MIS18A: variants seen among roughly 807,000 people sequenced by gnomAD.
MIS18A encodes the protein MIS18 kinetochore protein A.
Under a neutral mutation model 25.0 loss-of-function variants are expected in MIS18A, and 14 were observed. The observed-to-expected ratio is 0.56, with a 90% CI of 0.37 to 0.88. MIS18A has a LOEUF of 0.88. Among genes scored for constraint, MIS18A ranks in the 40% least tolerant of loss-of-function variants. The pLI, the probability that MIS18A is intolerant of heterozygous loss-of-function variation, is 0.00. For synonymous variants in MIS18A, 134 were observed against 118.6 expected (o/e 1.13, Z -0.84); for missense variants, 292 against 290.8 (o/e 1.00, Z -0.03).
chr21:32,256,910 GA>G, the MIS18A span, among the ~76,000 whole-genome samples: 6,823 of 150,538 alleles, frequency 0.045, 209 homozygotes, highest in South Asian at 0.12. Context: ...TCTTACAGAG[GA>G]AAAAAAAACA....
the MIS18A span, chr21:32,156,366 C>T: frequency 6.6e-6 from 1 of 151,330 alleles, no homozygotes; most frequent in Non-Finnish European, 1.5e-5. Flanking sequence ...CAGTAAATGC[C>T]CCATCAAAAT....
chr21:32,182,610 C>T, the MIS18A span, among the ~76,000 whole-genome samples: 1 of 152,178 alleles, frequency 6.6e-6, no homozygotes. Flanking sequence ...CCACACATAG[C>T]TTTCCACAGC....
chr21:32,187,720 G>A, the MIS18A span, among the ~76,000 whole-genome samples: 51 of 152,322 alleles, frequency 3.3e-4, 1 homozygote, highest in South Asian at 0.011. Context: ...GTGCTAGGGG[G>A]TGGGAGATGA....
At chr21:32,210,788 G>A in the MIS18A span, among the ~76,000 whole-genome samples, 808 of 152,210 alleles carry the variant, frequency 5.3e-3, 5 homozygotes, top group Non-Finnish European at 9.0e-3. Flanking sequence ...TTCCTATAAA[G>A]GTGACTTTTA....
chr21:32,249,140 T>C, the MIS18A span, among the ~76,000 whole-genome samples: 9 of 152,226 alleles, frequency 5.9e-5, no homozygotes, highest in African/African-American at 2.2e-4. Context: ...GATCTGGCCC[T>C]GCCATCTTGT....
At chr21:32,223,975 AC>A in the MIS18A span, among the ~76,000 whole-genome samples, 102 of 152,386 alleles carry the variant, frequency 6.7e-4, 1 homozygote, top group African/African-American at 2.4e-3. Flanking sequence ...GGTTCAACAT[AC>A]ACAAATCAAT....
the MIS18A span, among the ~76,000 whole-genome samples, chr21:32,178,929 T>C: frequency 1.3e-5 from 2 of 152,156 alleles, no homozygotes; most frequent in East Asian, 1.9e-4. Flanking sequence ...TCTCAGCATC[T>C]ATCTTCAGCT....
the MIS18A span, among the ~76,000 whole-genome samples, chr21:32,192,457 G>A: frequency 6.6e-6 from 1 of 152,144 alleles, no homozygotes; most frequent in Non-Finnish European, 1.5e-5. Flanking sequence ...CCAGGAGCTT[G>A]GCAAATTCTG....
At chr21:32,208,727 G>T in the MIS18A span, among the ~76,000 whole-genome samples, 3 of 152,162 alleles carry the variant, frequency 2.0e-5, no homozygotes, top group Admixed American at 1.3e-4. Flanking sequence ...CCAATTTACA[G>T]GAGCTTTGGC....
At chr21:32,248,803 T>C in the MIS18A span, among the ~76,000 whole-genome samples, 1 of 152,120 alleles carries the variant, frequency 6.6e-6, no homozygotes, top group African/African-American at 2.4e-5. Context: ...CTTCATAGTC[T>C]CCAGAAAGAA....
chr21:32,168,954 A>T, the MIS18A span, among the ~76,000 whole-genome samples: 1 of 152,200 alleles, frequency 6.6e-6, no homozygotes, highest in African/African-American at 2.4e-5. Context: ...TTCTGGATTG[A>T]TGGGGCCCTC....
chr21:32,168,857 G>A, the MIS18A span, among the ~76,000 whole-genome samples: 1 of 152,186 alleles, frequency 6.6e-6, no homozygotes, highest in African/African-American at 2.4e-5. Flanking sequence ...CTAGTAGGAT[G>A]ATGGATATGT....
chr21:32,251,199 G>C, the MIS18A span, among the ~76,000 whole-genome samples: 28,978 of 152,096 alleles, frequency 0.19, 2,968 homozygotes, highest in Admixed American at 0.23. Flanking sequence ...CTTTATAGCA[G>C]CATGTGAACA....
the MIS18A span, among the ~76,000 whole-genome samples, chr21:32,231,007 G>A: frequency 6.6e-6 from 1 of 151,986 alleles, no homozygotes; most frequent in Non-Finnish European, 1.5e-5. Flanking sequence ...GGCTGAGGTG[G>A]GCAGACCACT....
the MIS18A span, among the ~76,000 whole-genome samples, chr21:32,257,351 T>A: frequency 4.1e-4 from 63 of 152,362 alleles, no homozygotes; most frequent in African/African-American, 1.5e-3. Context: ...CGTGCCCATG[T>A]TTTAATCCAG....
At chr21:32,212,506 G>A in the MIS18A span, among the ~76,000 whole-genome samples, 1 of 152,142 alleles carries the variant, frequency 6.6e-6, no homozygotes, top group Admixed American at 6.5e-5. Context: ...AACTGAAGGG[G>A]GAAGTAGGGG....
chr21:32,201,332 C>A, the MIS18A span, among the ~76,000 whole-genome samples: 1 of 151,974 alleles, frequency 6.6e-6, no homozygotes, highest in Non-Finnish European at 1.5e-5. Flanking sequence ...GGAAAAAAAA[C>A]AAAATACACT....
the MIS18A span, among the ~76,000 whole-genome samples, chr21:32,216,301 G>T: frequency 6.6e-6 from 1 of 152,254 alleles, no homozygotes; most frequent in African/African-American, 2.4e-5. Flanking sequence ...CAAAAACCTA[G>T]TCTGACAGCC....
chr21:32,199,117 A>G, the MIS18A span, among the ~76,000 whole-genome samples: 2 of 152,184 alleles, frequency 1.3e-5, no homozygotes, highest in Admixed American at 1.3e-4. Context: ...CGTTTTTCTC[A>G]TGGTATGGAA....
Sources: gnomAD v4.1 joint callset for allele counts (sites outside exome capture counted in the v4.1 genomes callset) on GRCh38, gnomAD v4.1.1 for gene constraint, MANE v1.5 for transcripts, NCBI Gene and HGNC (gene_info 2026-07-23, HGNC 2026-07-21) for gene names.